Variants in SPRY3 observed in about 807,000 individuals in gnomAD.
SPRY3 encodes sprouty RTK signaling antagonist 3.
SPRY3 carries 15 observed loss-of-function variants against 20.2 expected under a neutral mutation model. The ratio of observed to expected loss-of-function variants is 0.74; its 90% CI spans 0.50 to 1.14. The LOEUF (loss-of-function observed/expected upper bound fraction) is 1.14. Ranked by LOEUF, SPRY3 falls within the 50% of genes most tolerant of loss-of-function variation. The probability of loss-of-function intolerance (pLI) is 0.00; values close to 1 mark genes in which losing one functional copy is unlikely to be tolerated. For missense variants in SPRY3, 364 were observed against 363.9 expected (o/e 1.00, Z 0.00); for synonymous variants, 143 against 136.5 (o/e 1.05, Z -0.33).
At chrX:155,710,816 T>C (rs1211458503) in intron 2 of SPRY3, among the ~76,000 whole-genome samples, 1 of 151,884 alleles carries the variant, frequency 6.6e-6, no homozygotes, top group Admixed American at 6.6e-5. Flanking sequence ...ATGGCTTTTA[T>C]TATGTTGAAG....
chrX:155,740,516 G>A (rs1042041388), intron 2 of SPRY3, among the ~76,000 whole-genome samples: 2 of 152,088 alleles, frequency 1.3e-5, no homozygotes, highest in African/African-American at 2.4e-5. Flanking sequence ...CAGCCGCTCT[G>A]GGAGTGTCTG....
intron 2 of SPRY3, among the ~76,000 whole-genome samples, chrX:155,766,781 C>G (rs933616371): frequency 6.6e-6 from 1 of 152,110 alleles, no homozygotes; most frequent in South Asian, 2.1e-4. Context: ...AGGCAGGAAT[C>G]CACAACACCT....
chrX:155,657,711 G>A (rs1557353107), intron 2 of SPRY3, among the ~76,000 whole-genome samples: 2 of 112,044 alleles, frequency 1.8e-5, no homozygotes, highest in African/African-American at 3.2e-5. Flanking sequence ...CCGAACAGCC[G>A]CCCAGTTTTG....
In SPRY3 at chrX:155,773,676, G is replaced by A. The variant is rs750516209; in HGVS notation, c.-106-90G>A. 6.5e-6 allele frequency: 4 copies of A among 619,004 alleles called. No homozygotes were observed. In the East Asian group the frequency reaches 8.1e-5, roughly 12 times the overall value. The allele number at this position is 619,004 out of a possible 1,614,324, so 38.3% of individuals were successfully genotyped here. ...TTACTGTAAAGTAATTGAAGGTAGT[G>A]GTGGTGATAGGGCCTGAGCTTTGTT... is the stretch of plus-strand genomic sequence containing the variant. On this transcript the variant is annotated intron_variant, in intron 3 of 3. Coordinates refer to ENST00000675360, the Ensembl canonical transcript of SPRY3.
At chrX:155,622,137 T>C (rs1280748306) in intron 1 of SPRY3, among the ~76,000 whole-genome samples, 6 of 112,168 alleles carry the variant, frequency 5.3e-5, no homozygotes, top group African/African-American at 1.9e-4. Context: ...CACTCTGCAC[T>C]TTTCACACTC....
chrX:155,744,215 C>T (rs1383133910), intron 2 of SPRY3, among the ~76,000 whole-genome samples: 4 of 151,862 alleles, frequency 2.6e-5, no homozygotes, highest in African/African-American at 7.3e-5. Context: ...GTGTGGATTC[C>T]GAGGTAATCC....
At chrX:155,712,883 A>G (rs961236845) in intron 2 of SPRY3, among the ~76,000 whole-genome samples, 2 of 151,914 alleles carry the variant, frequency 1.3e-5, no homozygotes, top group African/African-American at 4.8e-5. Context: ...TGCAGATACT[A>G]TCTTATATCC....
At chrX:155,764,723 A>G (rs2091317751) in intron 2 of SPRY3, among the ~76,000 whole-genome samples, 1 of 152,182 alleles carries the variant, frequency 6.6e-6, no homozygotes, top group South Asian at 2.1e-4. Flanking sequence ...CCTCTGGAGC[A>G]CAAAGAAGAG....
chrX:155,671,291 T>A (rs908726729), intron 2 of SPRY3, among the ~76,000 whole-genome samples: 15 of 111,457 alleles, frequency 1.3e-4, no homozygotes, highest in South Asian at 3.8e-4. Flanking sequence ...AACATTTTTT[T>A]AATCTCTCTC....
chrX:155,720,015 T>G (rs997905866), intron 2 of SPRY3, among the ~76,000 whole-genome samples: 3 of 152,104 alleles, frequency 2.0e-5, no homozygotes, highest in African/African-American at 7.2e-5. Flanking sequence ...TTCCAGGACT[T>G]GGCTCTTTGA....
intron 2 of SPRY3, among the ~76,000 whole-genome samples, chrX:155,733,729 A>G (rs2091149935): frequency 6.6e-6 from 1 of 152,118 alleles, no homozygotes. Flanking sequence ...CCAACAGAAG[A>G]CTGTTTCATC....
intron 2 of SPRY3, among the ~76,000 whole-genome samples, chrX:155,750,588 G>A (rs376526697): frequency 3.3e-5 from 5 of 152,026 alleles, no homozygotes; most frequent in African/African-American, 9.6e-5. Context: ...GATACCAACA[G>A]GTTAAGTAAG....
intron 3 of SPRY3, among the ~76,000 whole-genome samples, chrX:155,771,222 A>G (rs1265039590): frequency 6.6e-6 from 1 of 152,114 alleles, no homozygotes; most frequent in Non-Finnish European, 1.5e-5. Context: ...AACACCATGT[A>G]CCCTTCTGCT....
At chrX:155,689,588 T>A (rs2124573228) in intron 2 of SPRY3, among the ~76,000 whole-genome samples, 1 of 87,031 alleles carries the variant, frequency 1.1e-5, no homozygotes, top group South Asian at 4.8e-4. Flanking sequence ...TTCTTCCAGA[T>A]TTTCTAGTTT....
At chrX:155,711,564 T>C (rs1011009214) in intron 2 of SPRY3, among the ~76,000 whole-genome samples, 17 of 151,678 alleles carry the variant, frequency 1.1e-4, no homozygotes, top group Admixed American at 5.3e-4. Context: ...TTAGTCTGGC[T>C]AAAAGTTTGT....
intron 2 of SPRY3, among the ~76,000 whole-genome samples, chrX:155,745,758 T>C (rs1436649364): frequency 6.6e-6 from 1 of 152,122 alleles, no homozygotes; most frequent in Non-Finnish European, 1.5e-5. Context: ...GCATAATGCT[T>C]GGCATATAGT....
At chrX:155,769,245 T>C (rs2091366487) in intron 3 of SPRY3, among the ~76,000 whole-genome samples, 1 of 152,154 alleles carries the variant, frequency 6.6e-6, no homozygotes, top group Admixed American at 6.6e-5. Flanking sequence ...GTGACTTAGA[T>C]TTGAAGATAT....
intron 2 of SPRY3, among the ~76,000 whole-genome samples, chrX:155,745,379 T>G (rs1185206814): frequency 2.0e-5 from 3 of 152,054 alleles, no homozygotes; most frequent in African/African-American, 7.2e-5. Flanking sequence ...GGTACAAGGA[T>G]CATCATGAAG....
chrX:155,668,381 T>G lies in SPRY3; in HGVS notation c.-282+11356T>G, dbSNP rs2052700. ...AAATCTAATCTATGATAAGAAAAAG[T>G]CTGAATAGGGGTTACCTCTTGGGAA... On this transcript the variant is annotated intron_variant, in intron 2 of 3. Transcript: ENST00000675360. 2.5e-3 allele frequency among the ~76,000 whole-genome samples: 279 copies of G among 110,779 alleles called. 5 individuals are homozygous for G. The highest frequency in any genetic ancestry group is 0.021 in the Admixed American group (216 of 10,418).
Sources: allele counts gnomAD v4.1 joint callset (sites outside exome capture counted in the v4.1 genomes callset), GRCh38; gene constraint gnomAD v4.1.1; transcripts MANE v1.5; gene names NCBI Gene and HGNC (gene_info 2026-07-23, HGNC 2026-07-21).